The following SOX5 variants were observed in gnomAD, a reference collection of about 807,000 sequenced individuals.
SOX5 encodes transcription factor SOX-5.
In SOX5, 9 loss-of-function variants were observed where a neutral mutation model predicts 92.0. That is an observed-to-expected ratio of 0.10 (90% CI 0.06 to 0.17). The LOEUF (loss-of-function observed/expected upper bound fraction) is 0.17, where lower values mean the gene tolerates loss of function less well. Ranked by LOEUF, SOX5 falls within the 10% of genes least tolerant of loss-of-function variation. The pLI is 1.00. For missense variants in SOX5, 642 were observed against 944.5 expected (o/e 0.68, Z 4.20); for synonymous variants, 344 against 336.3 (o/e 1.02, Z -0.25).
intron 4 of SOX5, among the ~76,000 whole-genome samples, chr12:24,205,202 T>C (rs1484093509): frequency 6.6e-6 from 1 of 152,174 alleles, no homozygotes; most frequent in East Asian, 1.9e-4. Flanking sequence ...TAAATGCCTG[T>C]CTTGCATTAG....
intron 4 of SOX5, among the ~76,000 whole-genome samples, chr12:23,988,872 C>T (rs1286345776): frequency 6.6e-6 from 1 of 152,142 alleles, no homozygotes; most frequent in Admixed American, 6.6e-5. Flanking sequence ...TACAGAGTCT[C>T]TTTTCCACCA....
chr12:24,302,593 C>T (rs1056872857), intron 2 of SOX5, among the ~76,000 whole-genome samples: 2 of 151,836 alleles, frequency 1.3e-5, no homozygotes, highest in African/African-American at 4.8e-5. Flanking sequence ...AGTTCCCAGG[C>T]TATGGGTATA....
At chr12:24,323,620 C>T (rs1003501472) in intron 2 of SOX5, among the ~76,000 whole-genome samples, 2 of 151,862 alleles carry the variant, frequency 1.3e-5, no homozygotes, top group Non-Finnish European at 2.9e-5. Context: ...AATAAAAATG[C>T]CCTTCTAATT....
At chr12:24,116,115 T>C (rs1159668469) in intron 4 of SOX5, among the ~76,000 whole-genome samples, 2 of 152,152 alleles carry the variant, frequency 1.3e-5, no homozygotes, top group Non-Finnish European at 2.9e-5. Context: ...GATAAAACGT[T>C]ACAACTGAGT....
At chr12:24,436,049 G>T (rs560089205) in intron 1 of SOX5, among the ~76,000 whole-genome samples, 12 of 152,236 alleles carry the variant, frequency 7.9e-5, no homozygotes, top group African/African-American at 2.9e-4. Context: ...CTGCTCCACT[G>T]ACCAGCCATT....
chr12:23,960,677 A>C (rs1946826180), intron 4 of SOX5, among the ~76,000 whole-genome samples: 1 of 151,192 alleles, frequency 6.6e-6, no homozygotes, highest in Non-Finnish European at 1.5e-5. Flanking sequence ...TGATATAAAA[A>C]GATATTCAAT....
intron 3 of SOX5, among the ~76,000 whole-genome samples, chr12:24,269,836 GCAATT>G (rs1943485401): frequency 1.6e-5 from 2 of 123,836 alleles, no homozygotes; most frequent in African/African-American, 6.2e-5. Flanking sequence ...GTTCCACCAT[GCAATT>G]TTTTTTTTTT....
At chr12:24,164,676 G>A (rs531513182) in intron 4 of SOX5, among the ~76,000 whole-genome samples, 1 of 152,114 alleles carries the variant, frequency 6.6e-6, no homozygotes, top group Admixed American at 6.6e-5. Context: ...TGAAAACTGA[G>A]GAAATAGATT....
At chr12:24,142,405 C>T (rs1044387034) in intron 4 of SOX5, among the ~76,000 whole-genome samples, 2 of 152,110 alleles carry the variant, frequency 1.3e-5, no homozygotes, top group African/African-American at 2.4e-5. Flanking sequence ...GATTCTGGTA[C>T]ATTTGTTCTA....
intron 11 of SOX5, among the ~76,000 whole-genome samples, chr12:23,553,065 T>C (rs924517201): frequency 2.0e-5 from 3 of 152,038 alleles, no homozygotes; most frequent in Admixed American, 6.6e-5. Context: ...ATTTGTCATA[T>C]TTTTATACTT....
At chr12:24,504,171 G>A (rs973244609) in intron 1 of SOX5, among the ~76,000 whole-genome samples, 3 of 152,062 alleles carry the variant, frequency 2.0e-5, no homozygotes, top group African/African-American at 7.2e-5. Context: ...TTTCTACAGA[G>A]CTCTTCCAAT....
chr12:24,095,128 C>CACACACACAGAG (rs1345578614), intron 4 of SOX5, among the ~76,000 whole-genome samples: 9 of 90,210 alleles, frequency 1.0e-4, no homozygotes, highest in African/African-American at 3.6e-4. Context: ...CACACACACA[C>CACACACACAGAG]AGAGAGAGAG....
intron 1 of SOX5, among the ~76,000 whole-genome samples, chr12:24,514,397 T>G (rs995814896): frequency 2.6e-5 from 4 of 152,124 alleles, no homozygotes; most frequent in Admixed American, 1.3e-4. Context: ...GAGTCCACAT[T>G]CCATTAACAC....
At chr12:24,127,959 C>A (rs540070617) in intron 4 of SOX5, among the ~76,000 whole-genome samples, 2 of 152,188 alleles carry the variant, frequency 1.3e-5, no homozygotes, top group Non-Finnish European at 2.9e-5. Flanking sequence ...ATACCTAGCA[C>A]AGCCTCCTAG....
intron 4 of SOX5, among the ~76,000 whole-genome samples, chr12:24,165,026 G>A (rs1953231587): frequency 6.6e-6 from 1 of 151,972 alleles, no homozygotes; most frequent in Non-Finnish European, 1.5e-5. Flanking sequence ...TATATTTCTA[G>A]ATATCTTGCA....
At chr12:24,142,344 G>A (rs1322914181) in intron 4 of SOX5, among the ~76,000 whole-genome samples, 1 of 152,086 alleles carries the variant, frequency 6.6e-6, no homozygotes, top group African/African-American at 2.4e-5. Context: ...CTTAGGGATT[G>A]TTTTCAACAC....
intron 1 of SOX5, among the ~76,000 whole-genome samples, chr12:24,533,433 C>A (rs1597686605): frequency 6.6e-6 from 1 of 152,126 alleles, no homozygotes; most frequent in East Asian, 1.9e-4. Context: ...AGGAAACATG[C>A]TTTTCCTAAT....
At chr12:24,028,233 T>A (rs2136796194) in intron 4 of SOX5, among the ~76,000 whole-genome samples, 1 of 152,062 alleles carries the variant, frequency 6.6e-6, no homozygotes, top group South Asian at 2.1e-4. Flanking sequence ...TGTCTTCTAG[T>A]CTCAATGTCC....
At chr12:24,242,173 T>C (rs186842039) in intron 3 of SOX5, among the ~76,000 whole-genome samples, 4 of 152,322 alleles carry the variant, frequency 2.6e-5, no homozygotes, top group Admixed American at 6.5e-5. Flanking sequence ...GGAGTATTAA[T>C]AACATTTGAA....
Sources: allele counts gnomAD v4.1 joint callset (sites outside exome capture counted in the v4.1 genomes callset), GRCh38; gene constraint gnomAD v4.1.1; transcripts MANE v1.5; gene names NCBI Gene and HGNC (gene_info 2026-07-23, HGNC 2026-07-21).